Variants in CUBN observed in about 807,000 individuals in gnomAD.
CUBN encodes 460 kDa receptor.
Under a neutral mutation model 405.3 loss-of-function variants are expected in CUBN, and 282 were observed. The observed-to-expected ratio is 0.70, with a 90% confidence interval of 0.63 to 0.77. The LOEUF (loss-of-function observed/expected upper bound fraction) is 0.77, where lower values mean the gene tolerates loss of function less well. CUBN is among the 30% of genes least tolerant of loss of function. CUBN has a pLI of 0.00. For missense variants in CUBN, 4,514 were observed against 4,475.2 expected, an observed-to-expected ratio of 1.01 and a Z score of -0.25; for synonymous variants, 1,684 against 1,617.0, an observed-to-expected ratio of 1.04 and a Z score of -0.99.
intron 58 of CUBN, among the ~76,000 whole-genome samples, chr10:16,872,620 C>A (rs774680160): frequency 6.6e-6 from 1 of 152,130 alleles, no homozygotes; most frequent in Non-Finnish European, 1.5e-5. Flanking sequence ...CAGGAGCTCA[C>A]CAGACAACGA....
intron 33 of CUBN, among the ~76,000 whole-genome samples, chr10:16,951,468 T>C (rs1842919560): frequency 6.6e-6 from 1 of 152,176 alleles, no homozygotes; most frequent in Non-Finnish European, 1.5e-5. Context: ...GTGAAGAACT[T>C]AAAGACTTTC....
At chr10:16,891,100 C>T (rs1588623753) in intron 54 of CUBN, among the ~76,000 whole-genome samples, 1 of 152,132 alleles carries the variant, frequency 6.6e-6, no homozygotes, top group South Asian at 2.1e-4. Flanking sequence ...GTGCTATTCA[C>T]CAAAAATTTG....
chr10:16,913,832 G>A lies in CUBN; in HGVS notation c.7512C>T (p.Ser2504=), dbSNP rs1220538990. 9 of 1,613,808 alleles carry A rather than the reference G, an allele frequency of 5.6e-6. No individual in the cohort carries two copies. In the East Asian group the frequency reaches 2.0e-4, roughly 36 times the overall value. The part of the protein sequence containing the change: ...FNNLRLATHP[S]CNNEHVIVFN... Reference sequence around the variant, plus strand: ...TTACTATCACATGCTCATTGTTGCAGGACGGATGCGTGGCCAGCCTCAGGT... The same window carrying A: ...TTACTATCACATGCTCATTGTTGCAAGACGGATGCGTGGCCAGCCTCAGGT... The change falls in exon 48 of 67, where the codon TCC becomes TCT. Residue 2504 remains serine, a synonymous_variant. Coordinates refer to ENST00000377833, the MANE Select transcript of CUBN (RefSeq NM_001081.4).
At chr10:16,879,040 T>C (rs543440699) in intron 56 of CUBN, among the ~76,000 whole-genome samples, 1 of 152,246 alleles carries the variant, frequency 6.6e-6, no homozygotes, top group Non-Finnish European at 1.5e-5. Context: ...GCATGAGATT[T>C]TGTGTGGGCA....
At chr10:16,831,129 A>G (rs1838977491) in intron 65 of CUBN, 123 bp downstream of exon 65, 4 of 857,734 alleles carry the variant, frequency 4.7e-6, no homozygotes, top group South Asian at 1.4e-5. Flanking sequence ...TAAAATCTCT[A>G]TTCTTAACAT....
intron 58 of CUBN, 84 bp downstream of exon 58, chr10:16,874,290 A>G: frequency 7.2e-7 from 1 of 1,381,540 alleles, no homozygotes; most frequent in Non-Finnish European, 1.0e-6. Context: ...GATGAGAATC[A>G]GTGCCCTCCA....
At chr10:16,950,261 G>A (rs1218401755) in intron 33 of CUBN, 150 bp from the exon 34 acceptor site, 2 of 656,196 alleles carry the variant, frequency 3.0e-6, no homozygotes, top group Non-Finnish European at 5.6e-6. Context: ...CAGGGTAATT[G>A]TAGTCGATAA....
At chr10:16,951,458 G>C (rs1842919400) in intron 33 of CUBN, among the ~76,000 whole-genome samples, 1 of 152,200 alleles carries the variant, frequency 6.6e-6, no homozygotes, top group Non-Finnish European at 1.5e-5. Context: ...ACTGTGCAGA[G>C]TGAAGAACTT....
At chr10:16,885,354 T>C (rs189678965) in intron 56 of CUBN, among the ~76,000 whole-genome samples, 21 of 152,312 alleles carry the variant, frequency 1.4e-4, no homozygotes, top group South Asian at 4.1e-4. Context: ...AGTCTTCAAC[T>C]GAGTGAGGAT....
chr10:17,007,114 G>C (rs965092858), intron 28 of CUBN, among the ~76,000 whole-genome samples: 1 of 152,202 alleles, frequency 6.6e-6, no homozygotes, highest in African/African-American at 2.4e-5. Context: ...GGGGGTCTGT[G>C]CAGCTGGTTG....
chr10:17,084,649 G>A (rs577334330), intron 16 of CUBN, among the ~76,000 whole-genome samples, 188 bp from the exon 17 acceptor site: 1 of 152,274 alleles, frequency 6.6e-6, no homozygotes, highest in Non-Finnish European at 1.5e-5. Context: ...GGACATCTCT[G>A]TAGTGGCTTA....
chr10:17,023,884 G>A lies in CUBN; in HGVS notation c.4018-3901C>T, dbSNP rs549520662. ...GCCATTAAATATATCTTCAGATGCG[G>A]AGATGTGTATATTACAAAACCTTCC... is the stretch of plus-strand genomic sequence containing the variant. On this transcript the variant is annotated intron_variant, in intron 27 of 66. Transcript: ENST00000377833. Among the ~76,000 whole-genome samples, 45 of 152,238 alleles carry A rather than the reference G, an allele frequency of 3.0e-4. No individual in the cohort carries two copies. In the South Asian group the frequency reaches 4.4e-3, roughly 15 times the overall value.
intron 65 of CUBN, among the ~76,000 whole-genome samples, chr10:16,830,823 C>T (rs1256536794): frequency 2.6e-5 from 4 of 152,046 alleles, no homozygotes; most frequent in East Asian, 1.9e-4. Flanking sequence ...TGGCCGGGCG[C>T]GGTGGCTCAT....
chr10:17,026,502 G>T (rs540809560), intron 27 of CUBN, among the ~76,000 whole-genome samples: 1 of 151,950 alleles, frequency 6.6e-6, no homozygotes, highest in African/African-American at 2.4e-5. Flanking sequence ...GTGTGGTGGC[G>T]TACGCCTGTA....
intron 14 of CUBN, among the ~76,000 whole-genome samples, chr10:17,095,622 T>A (rs1381654502): frequency 6.6e-6 from 1 of 152,040 alleles, no homozygotes; most frequent in South Asian, 2.1e-4. Context: ...TGATGAGATG[T>A]GGAGAAAAGG....
chr10:16,933,017 T>C, intron 40 of CUBN, 70 bp downstream of exon 40: 6 of 1,505,634 alleles, frequency 4.0e-6, no homozygotes, highest in Non-Finnish European at 5.5e-6. Flanking sequence ...AGTATGCAAG[T>C]CTGATGATAA....
At position 16,835,128 on chromosome 10, in the gene CUBN, G is replaced by T; in HGVS notation, c.10248C>A (p.Asp3416Glu). 2.5e-6 allele frequency: 4 copies of T among 1,614,114 alleles called. No individual in the cohort carries two copies. The highest frequency in any genetic ancestry group is 3.4e-6 in the Non-Finnish European group (4 of 1,179,954). Residue 3416 changes from aspartate (D) to glutamate (E), a missense_variant, in exon 64 of 67, where the codon GAC becomes GAA. Coordinates refer to ENST00000377833, the MANE Select transcript of CUBN (RefSeq NM_001081.4). ...LRSPGWPDNYDNDKDCTVTLT... is the reference protein window; with the variant it reads ...LRSPGWPDNYENDKDCTVTLT... Reference sequence around the variant, plus strand: ...GAGTAACGGTGCAATCCTTGTCATTGTCGTAGTTATCTGGCCATCCAGGGC... The same window carrying T: ...GAGTAACGGTGCAATCCTTGTCATTTTCGTAGTTATCTGGCCATCCAGGGC...
At chr10:16,984,917 T>C (rs1359343165) in intron 29 of CUBN, among the ~76,000 whole-genome samples, 1 of 152,216 alleles carries the variant, frequency 6.6e-6, no homozygotes, top group African/African-American at 2.4e-5. Context: ...AGGAAGGGGA[T>C]GCTATGCACC....
intron 40 of CUBN, 139 bp downstream of exon 40, chr10:16,932,948 G>T: frequency 1.2e-6 from 1 of 821,924 alleles, no homozygotes; most frequent in Non-Finnish European, 2.0e-6. Context: ...GCCATTTCTG[G>T]TACTGATGCC....
Sources: allele counts gnomAD v4.1 joint callset (sites outside exome capture counted in the v4.1 genomes callset), GRCh38; gene constraint gnomAD v4.1.1; transcripts MANE v1.5; gene names NCBI Gene and HGNC (gene_info 2026-07-23, HGNC 2026-07-21).